The following SMARCC1 variants were observed in gnomAD, a reference collection of about 807,000 sequenced individuals.
The protein encoded by SMARCC1 is SWI/SNF complex subunit SMARCC1.
SMARCC1 carries 43 observed loss-of-function variants against 147.4 expected under a neutral mutation model. The observed-to-expected ratio is 0.29, with a 90% CI of 0.23 to 0.38. The LOEUF is 0.38. Ranked by LOEUF, SMARCC1 falls within the 10% of genes least tolerant of loss-of-function variation. SMARCC1 has a pLI of 1.00. For synonymous variants in SMARCC1, 495 were observed against 484.4 expected (o/e 1.02, Z -0.29); for missense variants, 1,119 against 1,381.1 (o/e 0.81, Z 3.01).
At chr3:47,697,705 G>A (rs1002890656) in intron 11 of SMARCC1, among the ~76,000 whole-genome samples, 2 of 151,222 alleles carry the variant, frequency 1.3e-5, no homozygotes, top group African/African-American at 2.4e-5. Flanking sequence ...GCTAAGAACA[G>A]AAAGTTAAAG....
chr3:47,740,538 A>G (rs1301013443), intron 3 of SMARCC1, among the ~76,000 whole-genome samples: 5 of 151,714 alleles, frequency 3.3e-5, no homozygotes, highest in Non-Finnish European at 7.4e-5. Flanking sequence ...ATGGAGTTTC[A>G]CCATGTGGGC....
intron 19 of SMARCC1, among the ~76,000 whole-genome samples, chr3:47,669,182 T>C (rs2033464687): frequency 3.3e-5 from 5 of 152,238 alleles, no homozygotes; most frequent in South Asian, 2.1e-4. Flanking sequence ...AGATTCCACC[T>C]GAAGGAGAGA....
chr3:47,667,814 T>A (rs6442074), intron 19 of SMARCC1, among the ~76,000 whole-genome samples: 2 of 151,888 alleles, frequency 1.3e-5, no homozygotes, highest in Non-Finnish European at 2.9e-5. Context: ...GAGGCAGAGG[T>A]TGCAGTGAGC....
chr3:47,719,644 A>G (rs1559653797), intron 7 of SMARCC1, among the ~76,000 whole-genome samples: 1 of 152,102 alleles, frequency 6.6e-6, no homozygotes, highest in African/African-American at 2.4e-5. Context: ...TGGAGGTTGC[A>G]GTGAGTCGGG....
At chr3:47,763,600 T>C (rs1046563165) in intron 2 of SMARCC1, among the ~76,000 whole-genome samples, 2 of 151,584 alleles carry the variant, frequency 1.3e-5, no homozygotes, top group African/African-American at 4.8e-5. Flanking sequence ...CCCAAAGTGT[T>C]GGGATTATAG....
At chr3:47,735,921 G>T in intron 5 of SMARCC1, 113 bp downstream of exon 5, 1 of 466,616 alleles carries the variant, frequency 2.1e-6, no homozygotes, top group Non-Finnish European at 3.7e-6. Context: ...TTCTTTTGAT[G>T]CAAATATATC....
intron 26 of SMARCC1, among the ~76,000 whole-genome samples, chr3:47,608,563 T>C (rs774233111): frequency 2.6e-5 from 4 of 151,982 alleles, no homozygotes; most frequent in Non-Finnish European, 5.9e-5. Flanking sequence ...GTGAATCTTG[T>C]CTGGGTGTGG....
intron 19 of SMARCC1, among the ~76,000 whole-genome samples, chr3:47,667,328 AAAAAAGAG>A (rs1430889114): frequency 6.6e-6 from 1 of 152,004 alleles, no homozygotes; most frequent in African/African-American, 2.4e-5. Context: ...AAAAAAAAAA[AAAAAAGAG>A]AGAGAGAGAA....
At chr3:47,613,602 C>G (rs554820962) in intron 25 of SMARCC1, among the ~76,000 whole-genome samples, 185 of 152,142 alleles carry the variant, frequency 1.2e-3, no homozygotes, top group Non-Finnish European at 2.2e-3. Context: ...TCAGGTGATC[C>G]GCCCGCCTCA....
intron 26 of SMARCC1, among the ~76,000 whole-genome samples, chr3:47,597,270 C>A (rs1203937076): frequency 1.3e-5 from 2 of 152,198 alleles, no homozygotes; most frequent in Non-Finnish European, 2.9e-5. Flanking sequence ...GATGCCCCCG[C>A]CTCAACTTCC....
intron 12 of SMARCC1, 135 bp downstream of exon 12, chr3:47,693,106 G>C (rs996928908): frequency 4.7e-5 from 30 of 637,236 alleles, no homozygotes; most frequent in Non-Finnish European, 8.4e-5. Flanking sequence ...GAAGTTTAAA[G>C]CTGTGGTGAG....
intron 26 of SMARCC1, among the ~76,000 whole-genome samples, chr3:47,596,160 G>T (rs1267194934): frequency 1.3e-5 from 2 of 152,134 alleles, no homozygotes; most frequent in Admixed American, 6.5e-5. Flanking sequence ...GTAGAACAAG[G>T]GGTGAGGACT....
chr3:47,678,872 T>C (rs527986050), intron 15 of SMARCC1, among the ~76,000 whole-genome samples: 1 of 152,368 alleles, frequency 6.6e-6, no homozygotes, highest in African/African-American at 2.4e-5. Context: ...TCTCAACCTC[T>C]GCTGCCTATC....
At chr3:47,685,866 AAAAC>A (rs978777052) in intron 14 of SMARCC1, among the ~76,000 whole-genome samples, 179 bp downstream of exon 14, 28 of 152,222 alleles carry the variant, frequency 1.8e-4, no homozygotes, top group East Asian at 7.7e-4. Context: ...CAACAACAAC[AAAAC>A]AAACAAACAA....
Position 47,738,128 on chromosome 3 carries a change from C to T in SMARCC1, c.402-18G>A. 1 of 1,530,412 alleles carries T rather than the reference C, an allele frequency of 6.5e-7. No individual in the cohort carries two copies. Among genetic ancestry groups the T allele is most frequent in the Non-Finnish European group, 8.8e-7 (1 of 1,135,292 alleles). 94.8% of individuals were successfully genotyped at this position (1,530,412 alleles called of 1,614,324 possible). A position where few individuals can be genotyped will look rare whatever the true frequency, so the allele number is the denominator to read the frequency against. ...ACCTCCGCCTAAAAAAAAAGAAAAA[C>T]CCTAGTTAATTTGTCTCCCAGCTTA... On this transcript the variant is annotated intron_variant, in intron 3 of 27. Coordinates refer to ENST00000254480, the MANE Select transcript of SMARCC1 (RefSeq NM_003074.4).
rs1031087606 is a variant in SMARCC1 at position 47,771,661 on chromosome 3, T to C, written c.315+1156A>G. Among the ~76,000 whole-genome samples the C allele has an allele frequency of 5.1e-4, 77 of 152,080 alleles. 4 individuals are homozygous for C. Among genetic ancestry groups the C allele is most frequent in the Non-Finnish European group, 1.3e-4 (9 of 68,018 alleles). ...CAGGAGGCTGAGGCAGGAGAATCGC[T>C]TGAACCCGGGAGGCAGAGGTTGCAG... On this transcript the variant is annotated intron_variant, in intron 2 of 27. Transcript: ENST00000254480.
chr3:47,779,174 G>C (rs1182836205), intron 1 of SMARCC1, among the ~76,000 whole-genome samples: 6 of 151,726 alleles, frequency 4.0e-5, no homozygotes, highest in Non-Finnish European at 7.4e-5. Context: ...TGAGGTTGCA[G>C]TGAGCTATGA....
intron 20 of SMARCC1, 127 bp from the exon 21 acceptor site, chr3:47,661,582 A>G: frequency 1.5e-6 from 1 of 647,104 alleles, no homozygotes; most frequent in Non-Finnish European, 2.6e-6. Context: ...TCAGGCTCTC[A>G]GTCCCTCTAT....
At chr3:47,718,676 CAACTGTACCCCAAT>C (rs1294502199) in intron 7 of SMARCC1, among the ~76,000 whole-genome samples, 1 of 151,578 alleles carries the variant, frequency 6.6e-6, no homozygotes, top group Non-Finnish European at 1.5e-5. Context: ...AACCACATAT[CAACTGTACCCCAAT>C]AACTTATGAA....
Sources: gnomAD v4.1 joint callset for allele counts (sites outside exome capture counted in the v4.1 genomes callset) on GRCh38, gnomAD v4.1.1 for gene constraint, MANE v1.5 for transcripts, NCBI Gene and HGNC (gene_info 2026-07-23, HGNC 2026-07-21) for gene names.